Variants in GSN observed in about 807,000 individuals in gnomAD.
The protein encoded by GSN is actin-depolymerizing factor.
In GSN, 56 loss-of-function variants were observed where a neutral mutation model predicts 85.7. The observed-to-expected ratio is 0.65, with a 90% confidence interval of 0.53 to 0.82. GSN has a LOEUF of 0.82. GSN is among the 40% of genes least tolerant of loss of function. The probability of loss-of-function intolerance (pLI) is 0.00; values close to 1 mark genes in which losing one functional copy is unlikely to be tolerated. For synonymous variants in GSN, 373 were observed against 399.1 expected (o/e 0.93, Z 0.78); for missense variants, 857 against 979.8 (o/e 0.87, Z 1.67).
At chr9:121,282,427 T>C in intron 2 of GSN, 1 of 1,257,274 alleles carries the variant, frequency 8.0e-7, no homozygotes, top group Non-Finnish European at 1.0e-6. Flanking sequence ...GCCATCCCTT[T>C]TCTGCCAAAA....
At chr9:121,252,070 C>G (rs1209035590) in intron 6 of GSN, among the ~76,000 whole-genome samples, 1 of 151,896 alleles carries the variant, frequency 6.6e-6, no homozygotes, top group East Asian at 1.9e-4. Context: ...GTACCAGGCA[C>G]TGTAAAAAAA....
At chr9:121,286,534 G>T in intron 2 of GSN, 2 of 1,363,098 alleles carry the variant, frequency 1.5e-6, no homozygotes, top group South Asian at 3.1e-5. Flanking sequence ...ATCCTCCAAG[G>T]CTCTGCCCCA....
At chr9:121,274,078 T>C (rs561410237) in intron 1 of GSN, among the ~76,000 whole-genome samples, 87 of 152,298 alleles carry the variant, frequency 5.7e-4, no homozygotes, top group Non-Finnish European at 1.0e-3. Context: ...CCTACTTTGC[T>C]CCATAATTAA....
upstream of GSN, among the ~76,000 whole-genome samples, chr9:121,267,190 T>C (rs1185773229): frequency 6.6e-6 from 1 of 152,184 alleles, no homozygotes; most frequent in African/African-American, 2.4e-5. Flanking sequence ...TGGGAACTCA[T>C]GTGTGCACCA....
upstream of GSN, among the ~76,000 whole-genome samples, chr9:121,204,098 C>T (rs1395020927): frequency 6.6e-6 from 1 of 152,178 alleles, no homozygotes. Context: ...GAAGGGAGAT[C>T]TTTATGTATA....
At chr9:121,252,253 A>G (rs1016885669) in intron 6 of GSN, among the ~76,000 whole-genome samples, 1 of 152,188 alleles carries the variant, frequency 6.6e-6, no homozygotes, top group Non-Finnish European at 1.5e-5. Context: ...TGGAGTAGGT[A>G]GAAAAAGGGC....
chr9:121,325,962 A>G (rs16910520), intron 12 of GSN, among the ~76,000 whole-genome samples: 5,857 of 151,952 alleles, frequency 0.039, 341 homozygotes, highest in Admixed American at 0.15. Context: ...TCTTCTGGAC[A>G]TAGTTAGCCG....
intron 8 of GSN, 27 bp downstream of exon 8, chr9:121,317,245 A>G (rs779678421): frequency 3.1e-6 from 5 of 1,612,962 alleles, no homozygotes; most frequent in Admixed American, 1.7e-5. Context: ...AAGGGTCCCA[A>G]CTGGCCTGTA....
At chr9:121,330,793 A>G (rs1252598725) in intron 16 of GSN, among the ~76,000 whole-genome samples, 1 of 152,128 alleles carries the variant, frequency 6.6e-6, no homozygotes, top group African/African-American at 2.4e-5. Flanking sequence ...TTTGACAAAG[A>G]TGCACACAGA....
intron 4 of GSN, among the ~76,000 whole-genome samples, chr9:121,226,069 G>T (rs2054267937): frequency 6.6e-6 from 1 of 152,228 alleles, no homozygotes; most frequent in Non-Finnish European, 1.5e-5. Flanking sequence ...CTCCCAAAGT[G>T]CTGGGATTAC....
intron 2 of GSN, chr9:121,284,251 C>A (rs910964115): frequency 2.4e-5 from 4 of 167,080 alleles, no homozygotes; most frequent in African/African-American, 7.2e-5. Flanking sequence ...TCCTGATAAG[C>A]CATGAGGGTG....
chr9:121,300,117 T>C, intron 2 of GSN: 3 of 1,608,002 alleles, frequency 1.9e-6, no homozygotes, highest in Non-Finnish European at 2.6e-6. Flanking sequence ...AAAAACTGTT[T>C]TGTTGCTTTG....
intron 4 of GSN, among the ~76,000 whole-genome samples, chr9:121,223,214 G>A (rs1203306544): frequency 6.6e-6 from 1 of 152,030 alleles, no homozygotes; most frequent in African/African-American, 2.4e-5. Context: ...TTTTCTATTG[G>A]GAAACTGCCT....
intron 6 of GSN, among the ~76,000 whole-genome samples, chr9:121,248,713 G>T (rs2054752486): frequency 6.6e-6 from 1 of 152,210 alleles, no homozygotes; most frequent in Admixed American, 6.5e-5. Context: ...TCATGGAAAT[G>T]GGAAAGGCAT....
chr9:121,269,923 G>T (rs976915777), intron 1 of GSN, among the ~76,000 whole-genome samples: 1 of 152,188 alleles, frequency 6.6e-6, no homozygotes, highest in Non-Finnish European at 1.5e-5. Flanking sequence ...GCCTTGCCCT[G>T]CGAGGGGCCA....
chr9:121,318,615 C>T lies in GSN; in HGVS notation c.976-50C>T. The T allele has an allele frequency of 6.6e-7, 1 of 1,518,984 alleles. No individual in the cohort carries two copies. The highest frequency in any genetic ancestry group is 1.7e-5 in the Admixed American group (1 of 59,514). 94.1% of individuals were successfully genotyped at this position (1,518,984 alleles called of 1,614,324 possible). ...GGGTATCTGAGGCTCCCCTGGGGACCCCTGCTGGGCAGCCCAGCCACATCC... is the reference window on the plus strand; with the variant it reads ...GGGTATCTGAGGCTCCCCTGGGGACTCCTGCTGGGCAGCCCAGCCACATCC... On this transcript the variant is annotated intron_variant, in intron 9 of 17. Transcript: ENST00000432226. The surrounding 1 kb of genome is among the most constrained non-coding windows in gnomAD (Gnocchi z 4.3).
At chr9:121,300,821 G>T (rs1490563585) in intron 2 of GSN, among the ~76,000 whole-genome samples, 1 of 152,140 alleles carries the variant, frequency 6.6e-6, no homozygotes, top group Non-Finnish European at 1.5e-5. Context: ...AGGCCACTTG[G>T]ACTCAGCCAT....
upstream of GSN, among the ~76,000 whole-genome samples, chr9:121,205,979 G>A (rs1437859774): frequency 6.6e-6 from 1 of 151,160 alleles, no homozygotes; most frequent in Non-Finnish European, 1.5e-5. Context: ...TCTTGAATTG[G>A]AGATTCCCCC....
intron 5 of GSN, among the ~76,000 whole-genome samples, chr9:121,234,428 A>G (rs1002368792): frequency 1.3e-5 from 2 of 152,188 alleles, no homozygotes; most frequent in South Asian, 2.1e-4. Context: ...GCAAGCAGTT[A>G]TCTCCCCATG....
Sources: allele counts gnomAD v4.1 joint callset (sites outside exome capture counted in the v4.1 genomes callset), GRCh38; gene constraint gnomAD v4.1.1; non-coding constraint Gnocchi (gnomAD v3.1); transcripts MANE v1.5; gene names NCBI Gene and HGNC (gene_info 2026-07-23, HGNC 2026-07-21).